ASPH: variants seen among roughly 807,000 people sequenced by gnomAD.
ASPH encodes aspartyl/asparaginyl beta-hydroxylase.
ASPH carries 100 observed loss-of-function variants against 118.4 expected under a neutral mutation model. That is an observed-to-expected ratio of 0.84 (90% CI 0.72 to 1.00). The LOEUF (loss-of-function observed/expected upper bound fraction) is 1.00, where lower values mean the gene tolerates loss of function less well. ASPH is among the 50% of genes least tolerant of loss of function. The pLI is 0.00. For synonymous variants in ASPH, 315 were observed against 325.6 expected (o/e 0.97, Z 0.35); for missense variants, 920 against 919.5 (o/e 1.00, Z -0.01).
chr8:61,653,691 A>G, intron 3 of ASPH, 31 bp from the exon 4 acceptor site: 1 of 1,603,338 alleles, frequency 6.2e-7, no homozygotes, highest in Non-Finnish European at 8.5e-7. Flanking sequence ...AGTTAACTTG[A>G]GTTTTTGTGG....
Position 61,553,694 on chromosome 8 carries a change from C to A in ASPH, c.1537-574G>T, listed in dbSNP as rs1363970640. 1.4e-4 allele frequency among the ~76,000 whole-genome samples: 21 copies of A among 151,984 alleles called. No individual in the cohort carries two copies. The South Asian group carries it at 3.1e-3, about 23-fold the overall frequency. ...TATTAAACAAATCCCTATTCTAAAA[C>A]ATTTACCTAATTCTCTGATTTCTCA... On this transcript the variant is annotated intron_variant, in intron 19 of 24. Transcript: ENST00000379454.
intron 3 of ASPH, among the ~76,000 whole-genome samples, chr8:61,679,630 C>A (rs1315838713): frequency 6.6e-6 from 1 of 151,760 alleles, no homozygotes; most frequent in African/African-American, 2.4e-5. Context: ...AATGAGGGAA[C>A]TTGGCCCACA....
chr8:61,655,668 C>CCT (rs1229648276), intron 3 of ASPH, among the ~76,000 whole-genome samples: 2 of 152,180 alleles, frequency 1.3e-5, no homozygotes, highest in African/African-American at 4.8e-5. Flanking sequence ...CCCTGAGAGT[C>CCT]AGCTTTCTCT....
In ASPH at chr8:61,516,398, C is replaced by T. The variant is rs117508432; in HGVS notation, c.2126+1130G>A. Among the ~76,000 whole-genome samples, 194 of 152,258 alleles carry T rather than the reference C, an allele frequency of 1.3e-3. 1 individual carries two copies. In the East Asian group the frequency reaches 0.032, roughly 25 times the overall value. Reference sequence around the variant, plus strand: ...CTTGCTAGGTGTCCTCAGAAGAGGACGGCCCCTTCTGAGTCATCTCTGAAT... The same window carrying T: ...CTTGCTAGGTGTCCTCAGAAGAGGATGGCCCCTTCTGAGTCATCTCTGAAT... On this transcript the variant is annotated intron_variant, in intron 24 of 24. Coordinates refer to ENST00000379454, the MANE Select transcript of ASPH (RefSeq NM_004318.4).
chr8:61,611,603 T>A (rs1304993012), intron 14 of ASPH, among the ~76,000 whole-genome samples: 1 of 152,222 alleles, frequency 6.6e-6, no homozygotes, highest in Admixed American at 6.5e-5. Context: ...AAAGTTCTAC[T>A]GGCTTGAGGT....
chr8:61,706,497 A>AAAGAAAG (rs1367352236), intron 1 of ASPH, among the ~76,000 whole-genome samples: 2 of 151,730 alleles, frequency 1.3e-5, no homozygotes, highest in African/African-American at 2.4e-5. Context: ...AAAGAAGAAA[A>AAAGAAAG]AAGAAAGAAG....
rs1434825118 is a variant in ASPH at position 61,518,077 on chromosome 8, G to C, written c.1947C>G (p.Thr649=). The C allele has an allele frequency of 1.2e-6, 2 of 1,613,698 alleles. No homozygotes were observed. Among genetic ancestry groups the C allele is most frequent in the Admixed American group, 1.7e-5 (1 of 59,982 alleles). ...NACKGAPKTC[T]LLEKFPETTG... ...TTGTCTCGGGGAACTTTTCTAGTAA[G>C]GTACAGGTTTTAGGAGCTCCTTTGC... The change falls in exon 23 of 25, where the codon ACC becomes ACG. Residue 649 remains threonine (T), a synonymous_variant. Transcript: ENST00000379454.
rs933031267 is a variant in ASPH at position 61,601,928 on chromosome 8, A to G, written c.976+17050T>C. Reference sequence around the variant, plus strand: ...ACAAACTACCCAAGGTTACTTAAGAATAAACAAATAACCTGAATATCTTGT... The same window carrying G: ...ACAAACTACCCAAGGTTACTTAAGAGTAAACAAATAACCTGAATATCTTGT... On this transcript the variant is annotated intron_variant, in intron 14 of 24. Transcript: ENST00000379454. Among the ~76,000 whole-genome samples the G allele has an allele frequency of 1.4e-4, 21 of 151,670 alleles. 1 individual carries two copies. The highest frequency in any genetic ancestry group is 3.9e-4 in the Admixed American group (6 of 15,276).
intron 22 of ASPH, among the ~76,000 whole-genome samples, chr8:61,524,858 A>G (rs1814655890): frequency 6.6e-6 from 1 of 150,682 alleles, no homozygotes; most frequent in Non-Finnish European, 1.5e-5. Context: ...GTGATGCATA[A>G]GGATGTTAAT....
Position 61,501,412 on chromosome 8 carries a change from T to TAA in ASPH, c.*1945_*1946dup, listed in dbSNP as rs1392686997. On this transcript the variant is annotated 3_prime_UTR_variant, in exon 25 of 25. Transcript: ENST00000379454. Reference sequence around the variant, plus strand: ...ATTTTAAATACCATATTATATTTACTAAGTTAAGAGCTAGTTTTTACTCTC... The same window carrying TAA: ...ATTTTAAATACCATATTATATTTACTAAAAGTTAAGAGCTAGTTTTTACTCTC... The TAA allele has an allele frequency of 2.0e-5, 3 of 152,262 alleles. No individual in the cohort carries two copies. Among genetic ancestry groups the TAA allele is most frequent in the South Asian group, 2.1e-4 (1 of 4,832 alleles). 9.4% of individuals were successfully genotyped at this position (152,262 alleles called of 1,614,324 possible). A position where few individuals can be genotyped will look rare whatever the true frequency, so the allele number is the denominator to read the frequency against.
rs554095327 is a variant in ASPH at position 61,647,566 on chromosome 8, G to A, written c.491-688C>T. On this transcript the variant is annotated intron_variant, in intron 5 of 24. Coordinates refer to ENST00000379454, the MANE Select transcript of ASPH (RefSeq NM_004318.4). ...CGTGCCTGTAGTCCCAGCTACTTGG[G>A]AGGCTGAGGCAGGAGAATCGCTTGA... Among the ~76,000 whole-genome samples, 5 of 152,278 alleles carry A rather than the reference G, an allele frequency of 3.3e-5. No homozygotes were observed. In the East Asian group the frequency reaches 9.6e-4, roughly 29 times the overall value.
intron 14 of ASPH, chr8:61,607,159 T>C (rs1805878279): frequency 3.1e-6 from 2 of 638,258 alleles, no homozygotes; most frequent in African/African-American, 1.8e-5. Flanking sequence ...AAGGAGCCTA[T>C]ATATTTGGCA....
At chr8:61,545,898 A>G (rs561783222) in intron 21 of ASPH, among the ~76,000 whole-genome samples, 1 of 152,316 alleles carries the variant, frequency 6.6e-6, no homozygotes, top group Admixed American at 6.5e-5. Context: ...AATTGGCTCA[A>G]TAAGACTGAA....
At chr8:61,659,638 A>G (rs747636152) in intron 3 of ASPH, 7 of 152,250 alleles carry the variant, frequency 4.6e-5, no homozygotes, top group Non-Finnish European at 1.0e-4. Context: ...TCCAGCTTAT[A>G]CAATTATATT....
intron 13 of ASPH, among the ~76,000 whole-genome samples, chr8:61,621,262 G>A (rs1850801417): frequency 6.7e-6 from 1 of 148,604 alleles, no homozygotes; most frequent in Non-Finnish European, 1.5e-5. Context: ...AATACACAGA[G>A]ATAATAGTAA....
chr8:61,709,413 A>G (rs1446560783), intron 1 of ASPH, among the ~76,000 whole-genome samples: 1 of 152,204 alleles, frequency 6.6e-6, no homozygotes, highest in Non-Finnish European at 1.5e-5. Flanking sequence ...GAACATCCTG[A>G]ATCCTTAGTC....
intron 3 of ASPH, among the ~76,000 whole-genome samples, chr8:61,662,505 TAAC>T (rs763063337): frequency 7.9e-5 from 12 of 152,278 alleles, no homozygotes; most frequent in Non-Finnish European, 1.2e-4. Flanking sequence ...AATACAGAAA[TAAC>T]AACCTACTGA....
intron 3 of ASPH, among the ~76,000 whole-genome samples, chr8:61,670,721 G>A (rs1822029911): frequency 6.6e-6 from 1 of 151,852 alleles, no homozygotes. Flanking sequence ...CAGGCTCAAG[G>A]GAAAGGGCTA....
At chr8:61,647,391 C>A (rs1808573022) in intron 5 of ASPH, among the ~76,000 whole-genome samples, 1 of 152,148 alleles carries the variant, frequency 6.6e-6, no homozygotes, top group African/African-American at 2.4e-5. Context: ...TATGCTAGGG[C>A]CAGGCATGGC....
Sources: allele counts gnomAD v4.1 joint callset (sites outside exome capture counted in the v4.1 genomes callset), GRCh38; gene constraint gnomAD v4.1.1; transcripts MANE v1.5; gene names NCBI Gene and HGNC (gene_info 2026-07-23, HGNC 2026-07-21).